Variants in MRC2 observed in about 807,000 individuals in gnomAD.
MRC2 encodes C-type mannose receptor 2.
In MRC2, 84 loss-of-function variants were observed where a neutral mutation model predicts 206.2. The observed-to-expected ratio is 0.41, with a 90% CI of 0.34 to 0.49. The LOEUF (loss-of-function observed/expected upper bound fraction) is 0.49, where lower values mean the gene tolerates loss of function less well. MRC2 is among the 20% of genes least tolerant of loss of function. The probability of loss-of-function intolerance (pLI) is 0.31; values close to 1 mark genes in which losing one functional copy is unlikely to be tolerated. For missense variants in MRC2, 1,676 were observed against 2,001.5 expected, an observed-to-expected ratio of 0.84 and a Z score of 3.10; for synonymous variants, 798 against 800.0, an observed-to-expected ratio of 1.00 and a Z score of 0.04.
rs913751698 is a variant in MRC2, at chr17:62,690,298, C to T, written c.3885C>T (p.Cys1295=). The change falls in exon 26 of 30, where the codon TGC becomes TGT. Residue 1295 remains cysteine, a synonymous_variant. Transcript: ENST00000303375. ...GCCACAAGGAGGCGCGACAGCGCTG[C>T]CAGAGAGGTGGGTGACCAGGCCAGA... is the stretch of plus-strand genomic sequence containing the variant. ...LLGHKEARQR[C]QRAGGAVLSI... The T allele has an allele frequency of 1.2e-6, 2 of 1,610,038 alleles. No homozygotes were observed. The highest frequency in any genetic ancestry group is 2.7e-5 in the African/African-American group (2 of 74,986).
In MRC2 at chr17:62,672,166, C is replaced by T. The variant is rs890167757; in HGVS notation, c.1461+14C>T. The T allele has an allele frequency of 1.2e-6, 2 of 1,613,786 alleles. No individual in the cohort carries two copies. The highest frequency in any genetic ancestry group is 1.7e-4 in the Middle Eastern group (1 of 6,028). On this transcript the variant is annotated intron_variant, in intron 8 of 29. Coordinates refer to ENST00000303375, the MANE Select transcript of MRC2 (RefSeq NM_006039.5). This position sits in a 1 kb window ranked among gnomAD's most constrained non-coding sequence, Gnocchi z 4.5. ...ATCTGGGGCCCGGTGAGATCTCCCT[C>T]TCCCTATCACAGGGCCACAAAATAC...
chr17:62,689,855 C>G (rs1261419374), intron 24 of MRC2, 39 bp from the exon 25 acceptor site: 5 of 1,562,134 alleles, frequency 3.2e-6, no homozygotes, highest in Non-Finnish European at 4.3e-6. Context: ...CCTATCCTGA[C>G]TATTCCCTTC....
Position 62,689,890 on chromosome 17 carries a change from C to T in MRC2, c.3574-4C>T, listed in dbSNP as rs1373356538. On this transcript the variant is annotated splice_region_variant and splice_polypyrimidine_tract_variant and intron_variant, in intron 24 of 29. Coordinates refer to ENST00000303375, the MANE Select transcript of MRC2 (RefSeq NM_006039.5). The stretch of plus-strand genomic sequence containing the variant: ...CCTCCCACCCCATGGCCCCCCATGC[C>T]CAGGGCTCTCGGCGGTACTCCTGGG... The T allele has an allele frequency of 6.3e-7, 1 of 1,587,298 alleles. No individual in the cohort carries two copies. The highest frequency in any genetic ancestry group is 8.6e-7 in the Non-Finnish European group (1 of 1,167,742).
Position 62,692,534 on chromosome 17 carries a change from G to A in MRC2, c.*83G>A, listed in dbSNP as rs2089125894. ...CAGTCTGGCCCCCCACCAGCTGCCT[G>A]TCCAGTTGGCCTATGGAAGGGTGCC... On this transcript the variant is annotated 3_prime_UTR_variant, in exon 30 of 30. Coordinates refer to ENST00000303375, the MANE Select transcript of MRC2 (RefSeq NM_006039.5). This position sits in a 1 kb window ranked among gnomAD's most constrained non-coding sequence, Gnocchi z 4.2. 3 of 1,375,032 alleles carry A rather than the reference G, an allele frequency of 2.2e-6. No individual in the cohort carries two copies. Among genetic ancestry groups the A allele is most frequent in the Non-Finnish European group, 3.0e-6 (3 of 1,009,260 alleles). The allele number at this position is 1,375,032 out of a possible 1,614,324, so 85.2% of individuals were successfully genotyped here.
intron 9 of MRC2, among the ~76,000 whole-genome samples, chr17:62,674,467 A>G (rs1598988912): frequency 6.6e-6 from 1 of 151,922 alleles, no homozygotes. Flanking sequence ...GGGCTGGTCT[A>G]CCCCCGAGTG....
Position 62,666,161 on chromosome 17 carries a change from G to A in MRC2, c.588G>A (p.Gln196=), listed in dbSNP as rs771490328. The stretch of plus-strand genomic sequence containing the variant: ...CCATCCCCTTCAAATATGACAACCA[G>A]TGGTTCCACGGCTGCACCAGCACGG... ...PCTIPFKYDN[Q]WFHGCTSTGR... is the part of the protein sequence containing the mutation. Residue 196 remains glutamine, a synonymous_variant, in exon 3 of 30, where the codon CAG becomes CAA. Transcript: ENST00000303375. This position sits in a 1 kb window ranked among gnomAD's most constrained non-coding sequence, Gnocchi z 5.0. 1 of 1,600,272 alleles carries A rather than the reference G, an allele frequency of 6.2e-7. No homozygotes were observed.
chr17:62,690,186 A>T lies in MRC2; in HGVS notation c.3773A>T (p.His1258Leu), dbSNP rs201452476. The change falls in exon 26 of 30, where the codon CAT (histidine) becomes CTT (leucine). Residue 1258 changes from histidine (H) to leucine (L), a missense_variant. Around this residue, in one of 3 missense-constraint regions of MRC2, gnomAD observed 1,354 missense variants for 1,636.6 expected, o/e 0.83. Transcript: ENST00000303375. Reference protein sequence around the residue: ...GPPPPRRISYHGSCPQGLADS... With the variant: ...GPPPPRRISYLGSCPQGLADS... Reference sequence around the variant, plus strand: ...CCTCCTCCCCGAAGAATAAGCTACCATGGCAGCTGTCCCCAGGGACTGGCA... The same window carrying T: ...CCTCCTCCCCGAAGAATAAGCTACCTTGGCAGCTGTCCCCAGGGACTGGCA... The T allele has an allele frequency of 6.0e-5, 97 of 1,610,160 alleles. 1 individual carries two copies. In the East Asian group the frequency reaches 2.2e-3, roughly 36 times the overall value.
chr17:62,688,208 C>A, intron 20 of MRC2, 81 bp from the exon 21 acceptor site: 1 of 1,233,070 alleles, frequency 8.1e-7, no homozygotes. Flanking sequence ...GGACCTGCTG[C>A]TGAGGGGCGC....
intron 1 of MRC2, among the ~76,000 whole-genome samples, chr17:62,649,361 C>T (rs2088527653): frequency 6.6e-6 from 1 of 152,236 alleles, no homozygotes; most frequent in Admixed American, 6.5e-5. Context: ...GAGGCTGAGG[C>T]AGATGGATCA....
chr17:62,680,732 C>G lies in MRC2; in HGVS notation c.2474-68C>G. On this transcript the variant is annotated intron_variant, in intron 16 of 29. Transcript: ENST00000303375. The surrounding 1 kb of genome is among the most constrained non-coding windows in gnomAD (Gnocchi z 4.8). ...CTGGCTCTGCCCCGGCCCTGCCGCGCCCGCCTCCGGGGCCTGGCGTGCAGC... is the reference window on the plus strand; with the variant it reads ...CTGGCTCTGCCCCGGCCCTGCCGCGGCCGCCTCCGGGGCCTGGCGTGCAGC... The G allele has an allele frequency of 7.1e-7, 1 of 1,415,906 alleles. No homozygotes were observed. 87.7% of individuals were successfully genotyped at this position (1,415,906 alleles called of 1,614,324 possible). A position where few individuals can be genotyped will look rare whatever the true frequency, so the allele number is the denominator to read the frequency against.
Position 62,666,462 on chromosome 17 carries a change from C to T in MRC2, c.702C>T (p.Asp234=), listed in dbSNP as rs117366246. 3.4e-3 allele frequency: 5,518 copies of T among 1,613,956 alleles called. 15 individuals carry two copies. The highest frequency in any genetic ancestry group is 4.4e-3 in the Non-Finnish European group (5,174 of 1,180,002). The change falls in exon 4 of 30, where the codon GAC becomes GAT. Residue 234 remains aspartate, a synonymous_variant. Coordinates refer to ENST00000303375, the MANE Select transcript of MRC2 (RefSeq NM_006039.5). This position sits in a 1 kb window ranked among gnomAD's most constrained non-coding sequence, Gnocchi z 5.0. ...GGGCTGTCGTGGTGGCAGGTAACGA[C>T]TGCGAGACCTTCTGGGACAAGGACC... ...RWGFCPIKSN[D]CETFWDKDQL...
rs776849066 is a variant in MRC2 at position 62,664,590 on chromosome 17, GC to G, written c.163del (p.Leu55TrpfsTer63). The G allele has an allele frequency of 1.9e-6, 3 of 1,613,320 alleles. No individual in the cohort carries two copies. The African/African-American group carries it at 4.0e-5, about 22-fold the overall frequency. On this transcript the variant is annotated frameshift_variant, in exon 2 of 30. Transcript: ENST00000303375. LOFTEE classifies it high-confidence loss of function. This position sits in a 1 kb window ranked among gnomAD's most constrained non-coding sequence, Gnocchi z 4.7. ...FLIFSHGLQGCLEAQGGQVRV... is the reference protein window; with the variant it reads ...FLIFSHGLQGXLEAQGGQVRV... The stretch of plus-strand genomic sequence containing the variant: ...ATCTTCAGCCATGGACTGCAGGGCT[GC>G]CTGGAGGCCCAGGGCGGGCAGGTCA...
In MRC2 at chr17:62,649,825, C is replaced by T. The variant is rs138558345; in HGVS notation, c.119-14723C>T. 3.3e-3 allele frequency among the ~76,000 whole-genome samples: 500 copies of T among 151,984 alleles called. 3 individuals are homozygous for T. The highest frequency in any genetic ancestry group is 0.011 in the African/African-American group (463 of 41,466). On this transcript the variant is annotated intron_variant, in intron 1 of 29. Transcript: ENST00000303375. ...GGGCAGCAGACCCCCCCCGCCCCAC[C>T]GATACATACATTTTTTGTTTTGTTT...
chr17:62,682,373 A>G lies in MRC2; in HGVS notation c.2942A>G (p.Asn981Ser). ...CCCTCTGACTGGATCCAGTTCCTCA[A>G]CAAGGTAGGAGGTGGCAATGGGGCA... ...GCPSDWIQFL[N>S]KCFQVQGQEP... The change falls in exon 20 of 30, where the codon AAC becomes AGC. Residue 981 changes from asparagine (N) to serine (S), a missense_variant. This residue lies in a region of MRC2 where 1,354 missense variants were observed against 1,636.6 expected (regional missense o/e 0.83). Coordinates refer to ENST00000303375, the MANE Select transcript of MRC2 (RefSeq NM_006039.5). 4 of 1,606,090 alleles carry G rather than the reference A, an allele frequency of 2.5e-6. No individual in the cohort carries two copies. Among genetic ancestry groups the G allele is most frequent in the Non-Finnish European group, 3.4e-6 (4 of 1,176,980 alleles).
Position 62,666,890 on chromosome 17 carries a change from G to A in MRC2, c.973+20G>A, listed in dbSNP as rs779735173. 6.2e-6 allele frequency: 10 copies of A among 1,606,298 alleles called. No individual in the cohort carries two copies. The highest frequency in any genetic ancestry group is 8.5e-6 in the Non-Finnish European group (10 of 1,173,740). On this transcript the variant is annotated intron_variant, in intron 5 of 29. Transcript: ENST00000303375. This position sits in a 1 kb window ranked among gnomAD's most constrained non-coding sequence, Gnocchi z 5.0. ...AGAGTGGTGAGGCACAAGGTTGGGG[G>A]CGCAGGGCAGCATAGGGGCCCCGCG... is the stretch of plus-strand genomic sequence containing the variant.
intron 2 of MRC2, among the ~76,000 whole-genome samples, chr17:62,665,346 T>C (rs1001942332): frequency 2.0e-5 from 3 of 149,634 alleles, no homozygotes; most frequent in African/African-American, 7.5e-5. Flanking sequence ...GAGGTTGCAC[T>C]GAGCTGAGAT....
Position 62,667,502 on chromosome 17 carries a change from G to A in MRC2, c.1086G>A (p.Lys362=). ...CGCTGCCCTATGTGTGCAAGAAGAAGCCCAACGCCACGGCCGAGCCCACCC... is the reference window on the plus strand; with the variant it reads ...CGCTGCCCTATGTGTGCAAGAAGAAACCCAACGCCACGGCCGAGCCCACCC... ...SIALPYVCKK[K]PNATAEPTPP... Residue 362 remains lysine (K), a synonymous_variant, in exon 6 of 30, where the codon AAG becomes AAA. Coordinates refer to ENST00000303375, the MANE Select transcript of MRC2 (RefSeq NM_006039.5). The surrounding 1 kb of genome is among the most constrained non-coding windows in gnomAD (Gnocchi z 4.1). 6.2e-7 allele frequency: 1 copy of A among 1,611,812 alleles called. No individual in the cohort carries two copies. The highest frequency in any genetic ancestry group is 8.5e-7 in the Non-Finnish European group (1 of 1,179,484).
chr17:62,671,662 T>C lies in MRC2; in HGVS notation c.1131T>C (p.Asn377=), dbSNP rs777884570. 6.3e-7 allele frequency: 1 copy of C among 1,586,714 alleles called. No homozygotes were observed. Among genetic ancestry groups the C allele is most frequent in the Non-Finnish European group, 8.6e-7 (1 of 1,164,670 alleles). ...AEPTPPDRWA[N]VKVECEPSWQ... ...GGGTCTCTGCAGACAGGTGGGCCAATGTGAAGGTGGAGTGCGAGCCGAGCT... is the reference window on the plus strand; with the variant it reads ...GGGTCTCTGCAGACAGGTGGGCCAACGTGAAGGTGGAGTGCGAGCCGAGCT... Residue 377 remains asparagine (N), a synonymous_variant, in exon 7 of 30, where the codon AAT becomes AAC. Transcript: ENST00000303375. The surrounding 1 kb of genome is among the most constrained non-coding windows in gnomAD (Gnocchi z 4.5).
chr17:62,660,009 T>C (rs1484057728), intron 1 of MRC2, among the ~76,000 whole-genome samples: 1 of 152,070 alleles, frequency 6.6e-6, no homozygotes, highest in Admixed American at 6.6e-5. Flanking sequence ...AAAACAAGAG[T>C]GTCAGATAGC....
Sources: allele counts gnomAD v4.1 joint callset (sites outside exome capture counted in the v4.1 genomes callset), GRCh38; gene constraint gnomAD v4.1.1; regional missense constraint gnomAD v4.1.1; non-coding constraint Gnocchi (gnomAD v3.1); transcripts MANE v1.5; gene names NCBI Gene and HGNC (gene_info 2026-07-23, HGNC 2026-07-21).